CCDC134: variants seen among roughly 807,000 people sequenced by gnomAD.
CCDC134 encodes the protein coiled-coil domain containing 134.
A neutral mutation model predicts 25.6 loss-of-function variants in CCDC134; 27 were observed. The ratio of observed to expected loss-of-function variants is 1.05; its 90% confidence interval spans 0.78 to 1.45. CCDC134 has a LOEUF of 1.45. Among genes scored for constraint, CCDC134 ranks in the 40% most tolerant of loss-of-function variants. CCDC134 has a pLI of 0.00. For missense variants in CCDC134, 261 were observed against 286.7 expected (o/e 0.91, Z 0.65); for synonymous variants, 110 against 115.0 (o/e 0.96, Z 0.28).
rs971331640 is a variant in CCDC134 at position 41,825,805 on chromosome 22, A to G, written c.672A>G (p.Arg224=). ...KEIRKGPRIS[R]SQSEL is the part of the protein sequence containing the mutation. ...TCCGAAAAGGCCCAAGGATCTCCAG[A>G]TCCCAGTCTGAGTTATAGCCCTGGA... The change falls in exon 7 of 7, where the codon AGA becomes AGG. Residue 224 remains arginine, a synonymous_variant. Coordinates refer to ENST00000255784, the MANE Select transcript of CCDC134 (RefSeq NM_024821.5). This position sits in a 1 kb window ranked among gnomAD's most constrained non-coding sequence, Gnocchi z 4.4. 2 of 1,614,036 alleles carry G rather than the reference A, an allele frequency of 1.2e-6. No homozygotes were observed. Among genetic ancestry groups the G allele is most frequent in the Admixed American group, 3.3e-5 (2 of 60,002 alleles).
chr22:41,813,421 G>C lies in CCDC134; in HGVS notation c.468G>C (p.Gly156=). The C allele has an allele frequency of 6.2e-7, 1 of 1,614,188 alleles. No individual in the cohort carries two copies. The highest frequency in any genetic ancestry group is 8.5e-7 in the Non-Finnish European group (1 of 1,180,038). ...FCNQTGVFNQ[G]PHSPILSLMA... The stretch of plus-strand genomic sequence containing the variant: ...ACCAGACAGGCGTCTTCAACCAGGG[G>C]CCCCACTCGCCCATCCTCAGCCTGG... The change falls in exon 5 of 7, where the codon GGG becomes GGC. Residue 156 remains glycine (G), a synonymous_variant. Coordinates refer to ENST00000255784, the MANE Select transcript of CCDC134 (RefSeq NM_024821.5).
chr22:41,808,850 CT>C (rs1569354162), intron 1 of CCDC134, 24 bp from the exon 2 acceptor site: 1 of 1,547,522 alleles, frequency 6.5e-7, no homozygotes, highest in Admixed American at 1.7e-5. Context: ...GAGTCTCACT[CT>C]CTTTCTTTGG....
chr22:41,810,436 C>G (rs573346956), intron 4 of CCDC134, 145 bp downstream of exon 4: 1 of 464,664 alleles, frequency 2.2e-6, no homozygotes, highest in Non-Finnish European at 3.8e-6. Flanking sequence ...GGCAGATGGG[C>G]GTTTCGTGAG....
rs2076680151 is a variant in CCDC134, at chr22:41,826,534, T to G, written c.*711T>G. On this transcript the variant is annotated 3_prime_UTR_variant, in exon 7 of 7. Coordinates refer to ENST00000255784, the MANE Select transcript of CCDC134 (RefSeq NM_024821.5). ...GGAAACATTTAGCTCAAGAAGACCT[T>G]GGAGCAACATGATCCCTGTCCTCAG... Among the ~76,000 whole-genome samples, 1 of 152,224 alleles carries G rather than the reference T, an allele frequency of 6.6e-6. No homozygotes were observed.
chr22:41,809,295 T>C (rs551086820), intron 2 of CCDC134, among the ~76,000 whole-genome samples: 49 of 152,318 alleles, frequency 3.2e-4, no homozygotes, highest in Admixed American at 2.2e-3. Context: ...CTGGCCCATC[T>C]GGACCCTGGT....
rs753895090 is a variant in CCDC134, at chr22:41,830,477, C to T, written c.*4654C>T. Among the ~76,000 whole-genome samples the T allele has an allele frequency of 1.3e-5, 2 of 152,172 alleles. No homozygotes were observed. Among genetic ancestry groups the T allele is most frequent in the Non-Finnish European group, 2.9e-5 (2 of 68,026 alleles). On this transcript the variant is annotated 3_prime_UTR_variant, in exon 7 of 7. Transcript: ENST00000255784. ...CTGAATCCCCCCAGAGTACCAGTCACACACCAGTGTGAGGGGCCTTGCAAG... is the reference window on the plus strand; with the variant it reads ...CTGAATCCCCCCAGAGTACCAGTCATACACCAGTGTGAGGGGCCTTGCAAG...
chr22:41,803,144 G>A (rs1457323460), intron 1 of CCDC134, among the ~76,000 whole-genome samples: 1 of 152,074 alleles, frequency 6.6e-6, no homozygotes, highest in African/African-American at 2.4e-5. Flanking sequence ...GGCATTGGTT[G>A]GGGAGTGTGC....
intron 6 of CCDC134, 38 bp downstream of exon 6, chr22:41,813,860 T>A: frequency 6.3e-7 from 1 of 1,594,654 alleles, no homozygotes; most frequent in African/African-American, 1.3e-5. Context: ...CTGCTTTGCC[T>A]CTGCTGGGCC....
chr22:41,817,730 TTAAATAAATAAA>T (rs139570), intron 6 of CCDC134, among the ~76,000 whole-genome samples: 114 of 141,776 alleles, frequency 8.0e-4, no homozygotes, highest in African/African-American at 2.1e-3. Flanking sequence ...AGACTCTGTC[TTAAATAAATAAA>T]TAAATAAATA....
chr22:41,809,520 C>T (rs566727549), intron 2 of CCDC134, among the ~76,000 whole-genome samples: 1 of 152,226 alleles, frequency 6.6e-6, no homozygotes, highest in African/African-American at 2.4e-5. Flanking sequence ...AAAGAAACTC[C>T]TAGAGGAGGG....
chr22:41,804,118 G>A (rs921099188), intron 1 of CCDC134, among the ~76,000 whole-genome samples: 4 of 152,144 alleles, frequency 2.6e-5, no homozygotes, highest in African/African-American at 7.2e-5. Context: ...GGACGACAGA[G>A]CCAGACTCCT....
chr22:41,830,157 C>G lies in CCDC134; in HGVS notation c.*4334C>G, dbSNP rs73885833. 5.6e-3 allele frequency among the ~76,000 whole-genome samples: 858 copies of G among 152,322 alleles called. 9 individuals are homozygous for G. The highest frequency in any genetic ancestry group is 0.02 in the African/African-American group (817 of 41,564). ...ACCTCTCAGAGCCAGCCCTTGTCCT[C>G]CTGCTAGCCAGAGCAAGGTACCACC... On this transcript the variant is annotated 3_prime_UTR_variant, in exon 7 of 7. Transcript: ENST00000255784.
chr22:41,830,249 G>A lies in CCDC134; in HGVS notation c.*4426G>A, dbSNP rs1271856543. Among the ~76,000 whole-genome samples the A allele has an allele frequency of 3.3e-5, 5 of 152,210 alleles. No individual in the cohort carries two copies. The highest frequency in any genetic ancestry group is 1.9e-4 in the East Asian group (1 of 5,200). On this transcript the variant is annotated 3_prime_UTR_variant, in exon 7 of 7. Coordinates refer to ENST00000255784, the MANE Select transcript of CCDC134 (RefSeq NM_024821.5). Reference sequence around the variant, plus strand: ...AAAATATCAGTGCTTCCTGAGGTTCGGGTCCAGCCACCCTTCTTCCACCAT... The same window carrying A: ...AAAATATCAGTGCTTCCTGAGGTTCAGGTCCAGCCACCCTTCTTCCACCAT...
chr22:41,802,368 T>TGTTGGAGACTAGGAGTCTCCA (rs1295822095), intron 1 of CCDC134, among the ~76,000 whole-genome samples: 1 of 151,918 alleles, frequency 6.6e-6, no homozygotes, highest in Non-Finnish European at 1.5e-5. Context: ...TCTCTTGCCA[T>TGTTGGAGACTAGGAGTCTCCA]GTTGGAGACT....
rs1448353994 is a variant in CCDC134 at position 41,826,651 on chromosome 22, G to T, written c.*828G>T. Among the ~76,000 whole-genome samples the T allele has an allele frequency of 1.3e-5, 2 of 152,236 alleles. No homozygotes were observed. The highest frequency in any genetic ancestry group is 1.3e-4 in the Admixed American group (2 of 15,292). On this transcript the variant is annotated 3_prime_UTR_variant, in exon 7 of 7. Transcript: ENST00000255784. The stretch of plus-strand genomic sequence containing the variant: ...ACAGTCAACCTGTGGGTGGGGGGCT[G>T]CAGGGGGACAGGCCGCAGCCCTGCA...
intron 6 of CCDC134, among the ~76,000 whole-genome samples, chr22:41,820,059 G>T (rs1000095886): frequency 6.8e-6 from 1 of 146,338 alleles, no homozygotes; most frequent in Non-Finnish European, 1.5e-5. Context: ...GCAGTGGCGC[G>T]ATCTTGGCTC....
At chr22:41,808,696 C>T (rs757886603) in intron 1 of CCDC134, among the ~76,000 whole-genome samples, 179 bp from the exon 2 acceptor site, 7 of 152,232 alleles carry the variant, frequency 4.6e-5, no homozygotes, top group Non-Finnish European at 8.8e-5. Flanking sequence ...TCCCACGGCT[C>T]TGTATTGTGT....
In CCDC134 at chr22:41,809,891, T is replaced by C; in HGVS notation, c.116T>C (p.Phe39Ser). ...DPSLEIYKKM[F>S]EVKRREQLLA... is the part of the protein sequence containing the mutation. ...TAATTCTGCCCAGACAAGAAGATGT[T>C]TGAGGTGAAGCGGCGGGAGCAGCTG... Residue 39 changes from phenylalanine to serine, a missense_variant, in exon 3 of 7, where the codon TTT (phenylalanine) becomes TCT (serine). Coordinates refer to ENST00000255784, the MANE Select transcript of CCDC134 (RefSeq NM_024821.5). 1 of 1,614,114 alleles carries C rather than the reference T, an allele frequency of 6.2e-7. No individual in the cohort carries two copies. The highest frequency in any genetic ancestry group is 1.1e-5 in the South Asian group (1 of 91,068).
chr22:41,822,918 CA>C (rs2076659207), intron 6 of CCDC134, among the ~76,000 whole-genome samples: 1 of 152,224 alleles, frequency 6.6e-6, no homozygotes, highest in South Asian at 2.1e-4. Flanking sequence ...AGTCATGACT[CA>C]ATCTAACCTG....
Sources: gnomAD v4.1 joint callset for allele counts (sites outside exome capture counted in the v4.1 genomes callset) on GRCh38, gnomAD v4.1.1 for gene constraint, Gnocchi (gnomAD v3.1) non-coding constraint, MANE v1.5 for transcripts, NCBI Gene and HGNC (gene_info 2026-07-23, HGNC 2026-07-21) for gene names.